DESI2: variants seen among roughly 807,000 people sequenced by gnomAD.
DESI2 encodes the protein deubiquitinase DESI2.
DESI2 carries 10 observed loss-of-function variants against 24.1 expected under a neutral mutation model. The ratio of observed to expected loss-of-function variants is 0.41; its 90% CI spans 0.26 to 0.70. DESI2 has a LOEUF of 0.70. DESI2 is among the 30% of genes least tolerant of loss of function. The pLI is 0.29. For missense variants in DESI2, 122 were observed against 234.9 expected (o/e 0.52, Z 3.14); for synonymous variants, 71 against 87.7 (o/e 0.81, Z 1.06).
At chr1:244,663,597 T>C (rs974106264) in intron 1 of DESI2, among the ~76,000 whole-genome samples, 7 of 152,330 alleles carry the variant, frequency 4.6e-5, no homozygotes, top group Middle Eastern at 3.4e-3. Context: ...AATAATAAAG[T>C]AGAGCATTAT....
chr1:244,698,569 T>G (rs1032906219), intron 4 of DESI2, among the ~76,000 whole-genome samples: 6 of 152,230 alleles, frequency 3.9e-5, no homozygotes, highest in African/African-American at 1.4e-4. Context: ...TCTGGCATAT[T>G]TTGGAATCCT....
At chr1:244,656,589 G>C (rs1016692226) in intron 1 of DESI2, 1 of 152,132 alleles carries the variant, frequency 6.6e-6, no homozygotes, top group Admixed American at 6.5e-5. Flanking sequence ...TAGCAAAGCA[G>C]GTGACTCAGA....
intron 1 of DESI2, among the ~76,000 whole-genome samples, chr1:244,659,747 T>G (rs1297449045): frequency 6.6e-6 from 1 of 152,226 alleles, no homozygotes; most frequent in South Asian, 2.1e-4. Flanking sequence ...CTGCAAAGTC[T>G]CTTTGCTATG....
intron 1 of DESI2, among the ~76,000 whole-genome samples, chr1:244,682,854 C>CAAAA (rs3059851): frequency 8.1e-6 from 1 of 123,348 alleles, no homozygotes. Flanking sequence ...AGTGTGTTGT[C>CAAAA]AAAAAAAAAA....
rs1675541760 is a variant in DESI2 at position 244,653,644 on chromosome 1, T to TG, written c.42+291dup. ...GACCCCGGCTCTGGGCCCGACCCCT[T>TG]GGCCGACGTGCAGTGTCCTTTCGGC... On this transcript the variant is annotated intron_variant, in intron 1 of 4. Coordinates refer to ENST00000302550, the MANE Select transcript of DESI2 (RefSeq NM_016076.5). 17 of 506,454 alleles carry TG rather than the reference T, an allele frequency of 3.4e-5. No individual in the cohort carries two copies. In the South Asian group the frequency reaches 4.2e-4, roughly 12 times the overall value. The allele number at this position is 506,454 out of a possible 1,614,324, so 31.4% of individuals were successfully genotyped here.
At chr1:244,704,890 C>A (rs1677632874) in intron 4 of DESI2, among the ~76,000 whole-genome samples, 1 of 152,154 alleles carries the variant, frequency 6.6e-6, no homozygotes, top group African/African-American at 2.4e-5. Context: ...GAACTCCTGA[C>A]CTCGTAATTC....
rs758491763 is a variant in DESI2 at position 244,653,292 on chromosome 1, G to C, written c.-22G>C. On this transcript the variant is annotated 5_prime_UTR_variant, in exon 1 of 5. Coordinates refer to ENST00000302550, the MANE Select transcript of DESI2 (RefSeq NM_016076.5). Reference sequence around the variant, plus strand: ...CGGAGACGGAGCGGCTTGAGGACGAGGCGGCGGCCGCGGGGAGGAGGATGG... The same window carrying C: ...CGGAGACGGAGCGGCTTGAGGACGACGCGGCGGCCGCGGGGAGGAGGATGG... 3 of 1,489,294 alleles carry C rather than the reference G, an allele frequency of 2.0e-6. No individual in the cohort carries two copies. The South Asian group carries it at 4.1e-5, about 20-fold the overall frequency. The allele number at this position is 1,489,294 out of a possible 1,614,324, so 92.3% of individuals were successfully genotyped here. A position where few individuals can be genotyped will look rare whatever the true frequency, so the allele number is the denominator to read the frequency against.
chr1:244,704,495 C>T (rs907576276), intron 4 of DESI2, among the ~76,000 whole-genome samples: 5 of 152,106 alleles, frequency 3.3e-5, no homozygotes, highest in Non-Finnish European at 5.9e-5. Context: ...AGGAAGTGGG[C>T]AACTATAGAA....
chr1:244,689,477 T>C lies in DESI2; in HGVS notation c.209+135T>C, dbSNP rs1676943331. On this transcript the variant is annotated intron_variant, in intron 3 of 4. Transcript: ENST00000302550. This position sits in a 1 kb window ranked among gnomAD's most constrained non-coding sequence, Gnocchi z 4.0. The stretch of plus-strand genomic sequence containing the variant: ...CTCTTTGTTTTAATTGCTGACATTT[T>C]ATATAACTCAAGTTTGCCTCAGGAA... 1.8e-6 allele frequency: 1 copy of C among 564,390 alleles called. No individual in the cohort carries two copies. The allele number at this position is 564,390 out of a possible 1,614,324, so 35.0% of individuals were successfully genotyped here.
chr1:244,669,317 A>G (rs1676156357), intron 1 of DESI2, among the ~76,000 whole-genome samples: 1 of 151,944 alleles, frequency 6.6e-6, no homozygotes, highest in African/African-American at 2.4e-5. Context: ...TTTTTATTAA[A>G]CTTGTACATT....
chr1:244,678,620 C>A lies in DESI2; in HGVS notation c.43-7977C>A, dbSNP rs191978501. On this transcript the variant is annotated intron_variant, in intron 1 of 4. Coordinates refer to ENST00000302550, the MANE Select transcript of DESI2 (RefSeq NM_016076.5). Reference sequence around the variant, plus strand: ...TAAATCACTTTCAGAAGGCTATTTACTGCTCAACTGAAGAGATTGTTAAAA... The same window carrying A: ...TAAATCACTTTCAGAAGGCTATTTAATGCTCAACTGAAGAGATTGTTAAAA... Among the ~76,000 whole-genome samples the A allele has an allele frequency of 2.9e-3, 443 of 152,272 alleles. 3 individuals carry two copies. Among genetic ancestry groups the A allele is most frequent in the African/African-American group, 0.01 (420 of 41,544 alleles).
intron 4 of DESI2, among the ~76,000 whole-genome samples, chr1:244,704,458 C>T (rs1182493675): frequency 6.6e-6 from 1 of 152,130 alleles, no homozygotes; most frequent in East Asian, 1.9e-4. Flanking sequence ...GGGAAGGGTT[C>T]AAGAGTCCTA....
chr1:244,673,154 C>T (rs1676302790), intron 1 of DESI2, among the ~76,000 whole-genome samples: 1 of 152,184 alleles, frequency 6.6e-6, no homozygotes, highest in Non-Finnish European at 1.5e-5. Flanking sequence ...AAATTTGCAT[C>T]TTCCACAGGC....
rs760582924 is a variant in DESI2, at chr1:244,707,579, AAG to A, written c.*1797_*1798del. On this transcript the variant is annotated 3_prime_UTR_variant, in exon 5 of 5. Coordinates refer to ENST00000302550, the MANE Select transcript of DESI2 (RefSeq NM_016076.5). ...CTCTAGCAGTGACTTGTTCACTAAAAAGAGAGAGTCCTGTCCCCAGACGGTTA... is the reference window on the plus strand; with the variant it reads ...CTCTAGCAGTGACTTGTTCACTAAAAAGAGAGTCCTGTCCCCAGACGGTTA... 30 of 152,604 alleles carry A rather than the reference AAG, an allele frequency of 2.0e-4. 1 individual carries two copies. The highest frequency in any genetic ancestry group is 7.2e-4 in the African/African-American group (30 of 41,578). The allele number at this position is 152,604 out of a possible 1,614,324, so 9.5% of individuals were successfully genotyped here.
intron 1 of DESI2, among the ~76,000 whole-genome samples, chr1:244,667,519 A>G (rs1164800509): frequency 1.3e-5 from 2 of 152,186 alleles, no homozygotes; most frequent in African/African-American, 2.4e-5. Flanking sequence ...TATTATTACT[A>G]TTCCCATTTT....
intron 1 of DESI2, among the ~76,000 whole-genome samples, chr1:244,684,978 C>T (rs1558661407): frequency 6.6e-6 from 1 of 152,150 alleles, no homozygotes; most frequent in Non-Finnish European, 1.5e-5. Context: ...ATGTAGCCTT[C>T]GTTTCCTAAC....
At chr1:244,704,819 C>T (rs996695331) in intron 4 of DESI2, among the ~76,000 whole-genome samples, 3 of 152,144 alleles carry the variant, frequency 2.0e-5, no homozygotes, top group South Asian at 4.1e-4. Flanking sequence ...CCACCATGCC[C>T]GGCTAATTTT....
At chr1:244,669,456 A>G (rs917837679) in intron 1 of DESI2, among the ~76,000 whole-genome samples, 1 of 152,036 alleles carries the variant, frequency 6.6e-6, no homozygotes, top group African/African-American at 2.4e-5. Context: ...AGGTGGGCGG[A>G]TCACCTGAGG....
chr1:244,677,105 T>C (rs530947688), intron 1 of DESI2, among the ~76,000 whole-genome samples: 11 of 152,046 alleles, frequency 7.2e-5, no homozygotes, highest in Non-Finnish European at 1.6e-4. Flanking sequence ...TCCCCTTTCT[T>C]CTGTATTTTG....
Sources: allele counts gnomAD v4.1 joint callset (sites outside exome capture counted in the v4.1 genomes callset), GRCh38; gene constraint gnomAD v4.1.1; non-coding constraint Gnocchi (gnomAD v3.1); transcripts MANE v1.5; gene names NCBI Gene and HGNC (gene_info 2026-07-23, HGNC 2026-07-21).